Variants in LINGO2 observed in about 807,000 individuals in gnomAD.
The protein encoded by LINGO2 is leucine-rich repeat and immunoglobulin-like domain-containing nogo receptor-interacting protein 2.
A neutral mutation model predicts 30.6 loss-of-function variants in LINGO2; 14 were observed. The ratio of observed to expected loss-of-function variants is 0.46; its 90% CI spans 0.30 to 0.72. The LOEUF is 0.72. LINGO2 is among the 30% of genes least tolerant of loss of function. LINGO2 has a pLI of 0.07. For synonymous variants in LINGO2, 317 were observed against 288.5 expected (o/e 1.10, Z -1.00); for missense variants, 729 against 751.7 (o/e 0.97, Z 0.35).
intron 1 of LINGO2, among the ~76,000 whole-genome samples, chr9:28,497,346 C>T (rs1819675260): frequency 6.6e-6 from 1 of 152,146 alleles, no homozygotes; most frequent in Non-Finnish European, 1.5e-5. Context: ...TTCTTGGAGG[C>T]TTTGTTCATT....
chr9:28,431,791 T>G (rs900279233), intron 2 of LINGO2, among the ~76,000 whole-genome samples: 1 of 152,212 alleles, frequency 6.6e-6, no homozygotes, highest in Non-Finnish European at 1.5e-5. Context: ...TGGGCTATTT[T>G]AAATGTTTTA....
chr9:28,831,982 T>C, the LINGO2 span, among the ~76,000 whole-genome samples: 2 of 152,216 alleles, frequency 1.3e-5, no homozygotes, highest in African/African-American at 4.8e-5. Context: ...GAACAGATCA[T>C]ATAAAGGAGA....
chr9:28,471,298 T>C (rs1825508954), intron 2 of LINGO2, among the ~76,000 whole-genome samples: 1 of 152,154 alleles, frequency 6.6e-6, no homozygotes, highest in Non-Finnish European at 1.5e-5. Flanking sequence ...CATAACATGG[T>C]AGAAAAACAG....
At chr9:28,087,250 C>A (rs1416264849) in intron 4 of LINGO2, among the ~76,000 whole-genome samples, 4 of 152,000 alleles carry the variant, frequency 2.6e-5, no homozygotes, top group Non-Finnish European at 5.9e-5. Flanking sequence ...GTTGGAAGTG[C>A]CCAGCTGACC....
chr9:28,301,636 A>G (rs551272760), intron 3 of LINGO2, among the ~76,000 whole-genome samples: 6 of 152,210 alleles, frequency 3.9e-5, no homozygotes, highest in African/African-American at 1.4e-4. Context: ...TTTTCCCACA[A>G]CTTTTAATGT....
the LINGO2 span, among the ~76,000 whole-genome samples, chr9:29,028,942 A>G: frequency 6.6e-6 from 1 of 152,124 alleles, no homozygotes; most frequent in Non-Finnish European, 1.5e-5. Context: ...AGTGAAGATG[A>G]ATTTTTTTTT....
At chr9:28,730,694 G>A in the LINGO2 span, among the ~76,000 whole-genome samples, 1 of 152,096 alleles carries the variant, frequency 6.6e-6, no homozygotes, top group Non-Finnish European at 1.5e-5. Flanking sequence ...ATAAAAAGAA[G>A]TTTTATACAT....
chr9:28,519,394 T>C (rs1820747428), intron 1 of LINGO2, among the ~76,000 whole-genome samples: 1 of 152,158 alleles, frequency 6.6e-6, no homozygotes, highest in Non-Finnish European at 1.5e-5. Context: ...GTTGTTCAGG[T>C]AAATAGTAAG....
At chr9:28,135,995 G>A (rs1374588920) in intron 4 of LINGO2, among the ~76,000 whole-genome samples, 1 of 152,114 alleles carries the variant, frequency 6.6e-6, no homozygotes, top group African/African-American at 2.4e-5. Flanking sequence ...ACAGTCAGCA[G>A]TGATAAAGTC....
chr9:28,668,544 T>G (rs1312657077), intron 1 of LINGO2, among the ~76,000 whole-genome samples: 2 of 151,578 alleles, frequency 1.3e-5, no homozygotes, highest in African/African-American at 4.8e-5. Context: ...CACTTTCAGC[T>G]GATAAAAAAA....
chr9:28,624,368 G>T (rs1042445156), intron 1 of LINGO2, among the ~76,000 whole-genome samples: 2 of 151,622 alleles, frequency 1.3e-5, no homozygotes, highest in Admixed American at 1.3e-4. Context: ...AGTTTTGGGC[G>T]GATTTTATCA....
chr9:28,243,423 G>C (rs1821876129), intron 4 of LINGO2, among the ~76,000 whole-genome samples: 1 of 149,344 alleles, frequency 6.7e-6, no homozygotes, highest in African/African-American at 2.5e-5. Flanking sequence ...TCGTGCTACT[G>C]CCTTCCAGCC....
chr9:28,222,202 T>C (rs1820989068), intron 4 of LINGO2, among the ~76,000 whole-genome samples: 1 of 152,208 alleles, frequency 6.6e-6, no homozygotes, highest in Non-Finnish European at 1.5e-5. Flanking sequence ...ATTCAGTAAT[T>C]CTGAATTCAA....
intron 4 of LINGO2, among the ~76,000 whole-genome samples, chr9:28,201,477 A>G (rs1360538216): frequency 6.7e-6 from 1 of 149,246 alleles, no homozygotes; most frequent in African/African-American, 2.5e-5. Flanking sequence ...CCAGTCTATC[A>G]TTGTTGGGCA....
chr9:28,049,788 A>G (rs1398497400), intron 4 of LINGO2, among the ~76,000 whole-genome samples: 1 of 150,500 alleles, frequency 6.6e-6, no homozygotes, highest in African/African-American at 2.5e-5. Flanking sequence ...GGTAGGAGGT[A>G]GGAGACAATC....
chr9:28,589,783 C>T (rs1376814985), intron 1 of LINGO2, among the ~76,000 whole-genome samples: 2 of 151,760 alleles, frequency 1.3e-5, no homozygotes, highest in Non-Finnish European at 2.9e-5. Flanking sequence ...ACTTTCTTCA[C>T]AGAATTGGAA....
intron 4 of LINGO2, among the ~76,000 whole-genome samples, chr9:28,223,577 A>C (rs1287319285): frequency 6.6e-6 from 1 of 152,234 alleles, no homozygotes; most frequent in Admixed American, 6.5e-5. Context: ...TTAGATGCTT[A>C]TCAGGCTGAT....
chr9:28,251,034 A>T (rs901448967), intron 4 of LINGO2, among the ~76,000 whole-genome samples: 2 of 151,376 alleles, frequency 1.3e-5, no homozygotes, highest in Non-Finnish European at 2.9e-5. Context: ...CCTTTCTGTA[A>T]GGGTACATTC....
At chr9:28,435,031 C>G (rs1169605645) in intron 2 of LINGO2, among the ~76,000 whole-genome samples, 1 of 151,956 alleles carries the variant, frequency 6.6e-6, no homozygotes, top group African/African-American at 2.4e-5. Flanking sequence ...GTGAAAAGAC[C>G]CACTTTTTTT....
Sources: gnomAD v4.1 joint callset for allele counts (sites outside exome capture counted in the v4.1 genomes callset) on GRCh38, gnomAD v4.1.1 for gene constraint, MANE v1.5 for transcripts, NCBI Gene and HGNC (gene_info 2026-07-23, HGNC 2026-07-21) for gene names.